The following NBR1 variants were observed in gnomAD, a reference collection of about 807,000 sequenced individuals.
NBR1 encodes next to BRCA1 gene 1 protein.
A neutral mutation model predicts 115.5 loss-of-function variants in NBR1; 59 were observed. That is an observed-to-expected ratio of 0.51 (90% CI 0.41 to 0.63). The LOEUF (loss-of-function observed/expected upper bound fraction) is 0.63, where lower values mean the gene tolerates loss of function less well. Among genes scored for constraint, NBR1 ranks in the 30% least tolerant of loss-of-function variants. NBR1 has a pLI of 0.00. For synonymous variants in NBR1, 373 were observed against 414.7 expected, an observed-to-expected ratio of 0.90 and a Z score of 1.22; for missense variants, 1,043 against 1,150.5, an observed-to-expected ratio of 0.91 and a Z score of 1.35.
intron 5 of NBR1, among the ~76,000 whole-genome samples, chr17:43,185,627 A>AGAGACAG: frequency 6.6e-6 from 1 of 152,266 alleles, no homozygotes; most frequent in Non-Finnish European, 1.5e-5. Flanking sequence ...CTTGAGCCCA[A>AGAGACAG]GAGACAGGCT....
rs893651342 is a variant in NBR1, at chr17:43,205,802, C to T, written c.2727+2016C>T. 4.2e-5 allele frequency among the ~76,000 whole-genome samples: 6 copies of T among 142,404 alleles called. No homozygotes were observed. In the South Asian group the frequency reaches 7.2e-4, roughly 17 times the overall value. The allele number at this position is 142,404 out of a possible 152,430, so 93.4% of individuals were successfully genotyped here. On this transcript the variant is annotated intron_variant, in intron 20 of 20. Coordinates refer to ENST00000590996, the MANE Select transcript of NBR1 (RefSeq NM_005899.5). ...CCGAGGTGGGAAGATCACTTCAGCC[C>T]GGGAGGCAGAGGTTGCAGTGAGCTG...
At chr17:43,192,405 G>A (rs1316530055) in intron 10 of NBR1, among the ~76,000 whole-genome samples, 1 of 151,664 alleles carries the variant, frequency 6.6e-6, no homozygotes, top group African/African-American at 2.4e-5. Flanking sequence ...AGTCTCGCCT[G>A]TTGCCCAGGC....
chr17:43,182,114 C>T (rs1030897920), intron 5 of NBR1, among the ~76,000 whole-genome samples: 3 of 151,198 alleles, frequency 2.0e-5, no homozygotes, highest in African/African-American at 4.9e-5. Context: ...CTCAGCCTCC[C>T]GAGTAGCTGG....
At chr17:43,194,009 A>G (rs1481898024) in intron 12 of NBR1, among the ~76,000 whole-genome samples, 1 of 152,078 alleles carries the variant, frequency 6.6e-6, no homozygotes, top group East Asian at 1.9e-4. Context: ...TTCCCTAAAT[A>G]CTAATGAAGT....
intron 10 of NBR1, 33 bp from the exon 11 acceptor site, chr17:43,193,061 A>C: frequency 1.9e-6 from 3 of 1,607,126 alleles, no homozygotes; most frequent in Non-Finnish European, 2.6e-6. Context: ...CACACCCAAC[A>C]GCAAGTGACT....
At chr17:43,185,075 G>A (rs1290995921) in intron 5 of NBR1, among the ~76,000 whole-genome samples, 1 of 148,226 alleles carries the variant, frequency 6.7e-6, no homozygotes, top group African/African-American at 2.5e-5. Flanking sequence ...GTGACAGAGC[G>A]AGACTCCACC....
At chr17:43,184,337 G>T (rs1490660851) in intron 5 of NBR1, among the ~76,000 whole-genome samples, 2 of 145,998 alleles carry the variant, frequency 1.4e-5, no homozygotes, top group Non-Finnish European at 3.0e-5. Context: ...CGGATTACAG[G>T]CATGACCCAC....
chr17:43,205,877 CAAAAA>C (rs71361507), intron 20 of NBR1, among the ~76,000 whole-genome samples: 1 of 58,694 alleles, frequency 1.7e-5, no homozygotes, highest in Non-Finnish European at 3.1e-5. Context: ...GACCATGTCT[CAAAAA>C]AAAAAAAAAA....
At chr17:43,203,593 CTTA>C in intron 19 of NBR1, 85 bp from the exon 20 acceptor site, 1 of 766,584 alleles carries the variant, frequency 1.3e-6, no homozygotes, top group East Asian at 2.8e-5. Flanking sequence ...TTAAGGAAAT[CTTA>C]TTCCAAGGAT....
Position 43,190,715 on chromosome 17 carries a change from G to T in NBR1, c.802G>T (p.Glu268Ter). The T allele has an allele frequency of 6.2e-7, 1 of 1,613,924 alleles. No individual in the cohort carries two copies. Among genetic ancestry groups the T allele is most frequent in the South Asian group, 1.1e-5 (1 of 91,062 alleles). Residue 268 changes from glutamate to a stop codon, truncating the protein, a stop_gained, in exon 9 of 21, where the codon GAA (glutamate) becomes TAA (stop). Transcript: ENST00000590996. LOFTEE classifies it high-confidence loss of function. Reference sequence around the variant, plus strand: ...GCGGAGACCTGTTGTGGGCTCCTCTGAACCGTTCTGTCACTCAAAGTACTC... The same window carrying T: ...GCGGAGACCTGTTGTGGGCTCCTCTTAACCGTTCTGTCACTCAAAGTACTC... ...KLRRPVVGSS[E>*]PFCHSKYSTP...
intron 6 of NBR1, 55 bp downstream of exon 6, chr17:43,186,499 T>C: frequency 3.0e-6 from 4 of 1,348,162 alleles, no homozygotes; most frequent in Non-Finnish European, 2.9e-6. Context: ...CTTTTTTAAA[T>C]AAAGCTGAAC....
chr17:43,201,840 A>T (rs1223593824), intron 18 of NBR1, 60 bp downstream of exon 18: 13 of 946,276 alleles, frequency 1.4e-5, no homozygotes, highest in Non-Finnish European at 2.0e-5. Flanking sequence ...GAAACCAGGT[A>T]TAAATAGCCT....
Position 43,177,820 on chromosome 17 carries a change from C to T in NBR1, c.103-116C>T. 6.8e-6 allele frequency: 6 copies of T among 878,782 alleles called. No homozygotes were observed. In the South Asian group the frequency reaches 9.0e-5, roughly 13 times the overall value. The allele number at this position is 878,782 out of a possible 1,614,324, so 54.4% of individuals were successfully genotyped here. On this transcript the variant is annotated intron_variant, in intron 2 of 20. Transcript: ENST00000590996. ...CTCTGGGTGTGTTGCAGATATTAAC[C>T]CTTTGTTATGGGTTATTAAGGTTGT...
At chr17:43,180,634 G>A (rs567213700) in intron 4 of NBR1, among the ~76,000 whole-genome samples, 161 bp from the exon 5 acceptor site, 1 of 152,226 alleles carries the variant, frequency 6.6e-6, no homozygotes, top group South Asian at 2.1e-4. Context: ...TGTTCCTCAT[G>A]TTGTACAGTC....
At position 43,196,949 on chromosome 17, in the gene NBR1, G is replaced by A. The variant is rs377196507; in HGVS notation, c.1869G>A (p.Met623Ile). 2.5e-6 allele frequency: 4 copies of A among 1,613,956 alleles called. No homozygotes were observed. Among genetic ancestry groups the A allele is most frequent in the Non-Finnish European group, 3.4e-6 (4 of 1,179,866 alleles). ...GGTTCGTGTGTCTTTCAGATTCTAT[G>A]GTGTCAGTAAAGAGGAAGGCTGAGA... ...GAGFKALPDS[M>I]VSVKRKAENI... Residue 623 changes from methionine to isoleucine, a missense_variant, in exon 16 of 21, where the codon ATG becomes ATA. Transcript: ENST00000590996.
intron 8 of NBR1, 41 bp downstream of exon 8, chr17:43,189,843 T>TA: frequency 2.0e-6 from 3 of 1,538,054 alleles, no homozygotes; most frequent in Non-Finnish European, 9.0e-7. Context: ...TGATAGACCT[T>TA]ACAGCTTTTA....
chr17:43,196,433 A>G (rs1217374674), intron 14 of NBR1, 48 bp from the exon 15 acceptor site: 1 of 1,161,094 alleles, frequency 8.6e-7, no homozygotes, highest in Admixed American at 2.9e-5. Flanking sequence ...ACTGTTGATG[A>G]TATGATGCTT....
At chr17:43,205,950 C>T (rs1029121650) in intron 20 of NBR1, among the ~76,000 whole-genome samples, 3 of 147,530 alleles carry the variant, frequency 2.0e-5, no homozygotes, top group Non-Finnish European at 3.0e-5. Context: ...GAGGCTGAGG[C>T]GGGTGGATCA....
In NBR1 at chr17:43,189,719, G is replaced by A; in HGVS notation, c.612G>A (p.Leu204=). Residue 204 remains leucine (L), a synonymous_variant, in exon 8 of 21, where the codon TTG becomes TTA. Transcript: ENST00000590996. ...EVSMPTSEET[L]FLPENQFSWH... is the part of the protein sequence containing the mutation. ...CAATGCCTACTTCAGAAGAAACATTGTTTTTGCCAGAAAACCAGTTCAGCT... is the reference window on the plus strand; with the variant it reads ...CAATGCCTACTTCAGAAGAAACATTATTTTTGCCAGAAAACCAGTTCAGCT... 6.2e-7 allele frequency: 1 copy of A among 1,613,998 alleles called. No homozygotes were observed. The highest frequency in any genetic ancestry group is 1.1e-5 in the South Asian group (1 of 91,092).
Sources: allele counts gnomAD v4.1 joint callset (sites outside exome capture counted in the v4.1 genomes callset), GRCh38; gene constraint gnomAD v4.1.1; transcripts MANE v1.5; gene names NCBI Gene and HGNC (gene_info 2026-07-23, HGNC 2026-07-21).